The following SDK1 variants were observed in gnomAD, a reference collection of about 807,000 sequenced individuals.
The protein encoded by SDK1 is protein sidekick-1.
In SDK1, 157 loss-of-function variants were observed where a neutral mutation model predicts 245.5. The ratio of observed to expected loss-of-function variants is 0.64; its 90% CI spans 0.56 to 0.73. SDK1 has a LOEUF of 0.73. SDK1 is among the 30% of genes least tolerant of loss of function. The pLI is 0.00. For missense variants in SDK1, 3,583 were observed against 3,002.3 expected, an observed-to-expected ratio of 1.19 and a Z score of -4.52; for synonymous variants, 1,647 against 1,278.5, an observed-to-expected ratio of 1.29 and a Z score of -6.15.
chr7:3,355,780 C>T (rs865971389), intron 1 of SDK1, among the ~76,000 whole-genome samples: 34 of 152,170 alleles, frequency 2.2e-4, no homozygotes, highest in African/African-American at 7.7e-4. Flanking sequence ...AATTCTTTAC[C>T]CATTTAATCT....
chr7:3,760,811 A>T (rs372945055), intron 4 of SDK1, among the ~76,000 whole-genome samples: 1 of 152,232 alleles, frequency 6.6e-6, no homozygotes, highest in Non-Finnish European at 1.5e-5. Flanking sequence ...GCACGTAGCC[A>T]TCTGGGTGTT....
chr7:3,817,205 A>T (rs1449671784), intron 4 of SDK1, among the ~76,000 whole-genome samples: 1 of 152,164 alleles, frequency 6.6e-6, no homozygotes, highest in Non-Finnish European at 1.5e-5. Flanking sequence ...TCATCATGAA[A>T]ATGTTCACAT....
intron 5 of SDK1, among the ~76,000 whole-genome samples, chr7:3,826,572 C>A (rs1242106386): frequency 6.6e-6 from 1 of 152,134 alleles, no homozygotes; most frequent in Non-Finnish European, 1.5e-5. Flanking sequence ...TTCAGTTGTC[C>A]ACTTTGTGAG....
chr7:3,971,728 A>G (rs1782503017), intron 12 of SDK1, among the ~76,000 whole-genome samples, 160 bp downstream of exon 12: 1 of 152,200 alleles, frequency 6.6e-6, no homozygotes, highest in Non-Finnish European at 1.5e-5. Flanking sequence ...TTAATCATGC[A>G]AATCCCATTT....
At chr7:3,313,161 C>T (rs1010507732) in intron 1 of SDK1, among the ~76,000 whole-genome samples, 1 of 152,186 alleles carries the variant, frequency 6.6e-6, no homozygotes, top group Non-Finnish European at 1.5e-5. Flanking sequence ...GTAATCCCAG[C>T]ACTTTGGGAG....
intron 1 of SDK1, among the ~76,000 whole-genome samples, chr7:3,573,326 C>T (rs1213552107): frequency 1.3e-5 from 2 of 152,116 alleles, no homozygotes; most frequent in Admixed American, 1.3e-4. Context: ...TGTGATTACG[C>T]AGAGGCGGGG....
Position 4,220,150 on chromosome 7 carries a change from C to A in SDK1, c.5581C>A (p.Gln1861Lys). The A allele has an allele frequency of 1.2e-6, 2 of 1,614,034 alleles. No homozygotes were observed. The highest frequency in any genetic ancestry group is 8.5e-7 in the Non-Finnish European group (1 of 1,179,978). The change falls in exon 39 of 45, where the codon CAG becomes AAG. Residue 1861 changes from glutamine (Q) to lysine (K), a missense_variant. Coordinates refer to ENST00000404826, the MANE Select transcript of SDK1 (RefSeq NM_152744.4). The part of the protein sequence containing the change: ...VVTVEVRGNW[Q>K]RWLKVRDLTK... The stretch of plus-strand genomic sequence containing the variant: ...GACCGTGGAAGTGAGAGGGAACTGG[C>A]AGCGCTGGCTGAAGGTGCGGGACCT...
At chr7:4,240,834 G>A (rs936005772) in intron 42 of SDK1, among the ~76,000 whole-genome samples, 11 of 152,128 alleles carry the variant, frequency 7.2e-5, no homozygotes, top group African/African-American at 1.9e-4. Flanking sequence ...AGAGAAACCC[G>A]GGAAATACTG....
intron 1 of SDK1, among the ~76,000 whole-genome samples, chr7:3,559,178 T>C (rs1427118520): frequency 1.3e-5 from 2 of 152,190 alleles, no homozygotes; most frequent in African/African-American, 2.4e-5. Flanking sequence ...ATGTTACATA[T>C]ATACTTGAAA....
At chr7:4,251,650 A>G (rs74328717) in intron 44 of SDK1, among the ~76,000 whole-genome samples, 13,087 of 152,244 alleles carry the variant, frequency 0.086, 780 homozygotes, top group East Asian at 0.17. Context: ...CATAAACCAT[A>G]TTATTTGTAC....
chr7:4,078,585 G>T (rs1780848844), intron 21 of SDK1, among the ~76,000 whole-genome samples: 1 of 152,130 alleles, frequency 6.6e-6, no homozygotes, highest in Non-Finnish European at 1.5e-5. Flanking sequence ...AGATAGTGAG[G>T]TCTGAAAGCT....
intron 1 of SDK1, among the ~76,000 whole-genome samples, chr7:3,615,148 C>G (rs1277060369): frequency 1.3e-5 from 2 of 151,630 alleles, no homozygotes; most frequent in Non-Finnish European, 2.9e-5. Flanking sequence ...TTTTCTATGA[C>G]TCATTCGTGT....
At chr7:3,883,912 C>T (rs1306310783) in intron 5 of SDK1, among the ~76,000 whole-genome samples, 1 of 152,108 alleles carries the variant, frequency 6.6e-6, no homozygotes, top group African/African-American at 2.4e-5. Context: ...TTTAAAACAT[C>T]AATACGATGA....
In SDK1 at chr7:4,241,798, G is replaced by T; in HGVS notation, c.6136G>T (p.Gly2046Trp). The change falls in exon 43 of 45, where the codon GGG becomes TGG. Residue 2046 changes from glycine (G) to tryptophan (W), a missense_variant. Gly to Trp is a radical substitution (Grantham distance 184). Transcript: ENST00000404826. ...KKYKNCSTGK[G>W]ISTMEESVTL... is the part of the protein sequence containing the mutation. ...ACTCTCCTGCTGGGCTTTAGGAAAG[G>T]GGATCTCCACCATGGAGGAGTCTGT... The T allele has an allele frequency of 1.2e-6, 2 of 1,614,138 alleles. No homozygotes were observed. Among genetic ancestry groups the T allele is most frequent in the Non-Finnish European group, 1.7e-6 (2 of 1,180,022 alleles).
chr7:3,596,986 A>G (rs1781088176), intron 1 of SDK1, among the ~76,000 whole-genome samples: 6 of 152,184 alleles, frequency 3.9e-5, no homozygotes. Flanking sequence ...AGAGTAGGTT[A>G]CAGGCTGAGC....
chr7:3,320,960 A>C (rs1779787562), intron 1 of SDK1, among the ~76,000 whole-genome samples: 1 of 152,142 alleles, frequency 6.6e-6, no homozygotes, highest in Admixed American at 6.6e-5. Flanking sequence ...ACAAAAATTG[A>C]ATGTTGCCTG....
chr7:4,054,155 G>A (rs576630559), intron 19 of SDK1, among the ~76,000 whole-genome samples: 1 of 152,126 alleles, frequency 6.6e-6, no homozygotes, highest in East Asian at 1.9e-4. Context: ...TGGCCAGGCT[G>A]CTCTCAAACT....
chr7:4,232,411 C>CTTTTTTTTTTTTTTT (rs71032930), intron 40 of SDK1, among the ~76,000 whole-genome samples: 6 of 98,776 alleles, frequency 6.1e-5, no homozygotes, highest in Admixed American at 2.4e-4. Context: ...TCTTTTCTTT[C>CTTTTTTTTTTTTTTT]TTTTTTTTTT....
At chr7:3,615,144 A>G (rs1340089425) in intron 1 of SDK1, among the ~76,000 whole-genome samples, 2 of 151,674 alleles carry the variant, frequency 1.3e-5, no homozygotes, top group African/African-American at 2.4e-5. Flanking sequence ...TATGTTTTCT[A>G]TGACTCATTC....
Sources: allele counts gnomAD v4.1 joint callset (sites outside exome capture counted in the v4.1 genomes callset), GRCh38; gene constraint gnomAD v4.1.1; transcripts MANE v1.5; gene names NCBI Gene and HGNC (gene_info 2026-07-23, HGNC 2026-07-21).